Variants in SMPDL3B observed in about 807,000 individuals in gnomAD.
The protein encoded by SMPDL3B is acid sphingomyelinase-like phosphodiesterase 3b.
SMPDL3B carries 31 observed loss-of-function variants against 37.9 expected under a neutral mutation model. That is an observed-to-expected ratio of 0.82 (90% CI 0.61 to 1.10). The LOEUF (loss-of-function observed/expected upper bound fraction) is 1.10, where lower values mean the gene tolerates loss of function less well. SMPDL3B is among the 50% of genes least tolerant of loss of function. SMPDL3B has a pLI of 0.00. For missense variants in SMPDL3B, 525 were observed against 597.8 expected (o/e 0.88, Z 1.27); for synonymous variants, 235 against 242.6 (o/e 0.97, Z 0.29).
At chr1:27,948,161 A>C (rs2090426419) in intron 2 of SMPDL3B, among the ~76,000 whole-genome samples, 1 of 152,034 alleles carries the variant, frequency 6.6e-6, no homozygotes, top group Admixed American at 6.6e-5. Flanking sequence ...CTGGTGCTTG[A>C]TTTAGGATAG....
rs558568037 is a variant in SMPDL3B at position 27,946,338 on chromosome 1, A to T, written c.275+893A>T. Among the ~76,000 whole-genome samples the T allele has an allele frequency of 2.0e-5, 3 of 151,864 alleles. No individual in the cohort carries two copies. The South Asian group carries it at 6.3e-4, about 32-fold the overall frequency. ...ACTACACTCCCAGCCTGAGTGACACAGCAAGACTCTGTCTCAAAAAAAAAA... is the reference window on the plus strand; with the variant it reads ...ACTACACTCCCAGCCTGAGTGACACTGCAAGACTCTGTCTCAAAAAAAAAA... On this transcript the variant is annotated intron_variant, in intron 2 of 7. Transcript: ENST00000373894.
chr1:27,947,185 C>T (rs1475002318), intron 2 of SMPDL3B, among the ~76,000 whole-genome samples: 7 of 151,862 alleles, frequency 4.6e-5, no homozygotes, highest in Admixed American at 2.6e-4. Flanking sequence ...TACAGGCATG[C>T]GCCACCACGC....
chr1:27,956,560 T>C (rs1323970854), intron 7 of SMPDL3B: 12 of 953,690 alleles, frequency 1.3e-5, no homozygotes, highest in Non-Finnish European at 1.5e-5. Context: ...CCCTAATTCT[T>C]TGGGCAGTCC....
Position 27,958,433 on chromosome 1 carries a change from A to G in SMPDL3B, c.1006-43A>G, listed in dbSNP as rs1278977538. The G allele has an allele frequency of 6.4e-7, 1 of 1,556,458 alleles. No individual in the cohort carries two copies. Among genetic ancestry groups the G allele is most frequent in the African/African-American group, 1.4e-5 (1 of 73,752 alleles). On this transcript the variant is annotated intron_variant, in intron 7 of 7. Transcript: ENST00000373894. The surrounding 1 kb of genome is among the most constrained non-coding windows in gnomAD (Gnocchi z 5.6). ...CAAGGTGCAGGATGGGGATGGAAGC[A>G]GACAACTGCTCACAGCCGGTCTACC... is the stretch of plus-strand genomic sequence containing the variant.
rs951556811 is a variant in SMPDL3B, at chr1:27,948,156, G to A, written c.276-909G>A. On this transcript the variant is annotated intron_variant, in intron 2 of 7. Transcript: ENST00000373894. The stretch of plus-strand genomic sequence containing the variant: ...ACAATTTTTCCCCCGTGTCTCTGGT[G>A]CTTGATTTAGGATAGGCAAAATTCT... Among the ~76,000 whole-genome samples the A allele has an allele frequency of 6.6e-5, 10 of 152,080 alleles. No individual in the cohort carries two copies. The East Asian group carries it at 9.6e-4, about 15-fold the overall frequency.
chr1:27,957,951 G>A (rs565641230), intron 7 of SMPDL3B, among the ~76,000 whole-genome samples: 5 of 152,278 alleles, frequency 3.3e-5, no homozygotes, highest in Non-Finnish European at 7.3e-5. Context: ...CTCTTACCCC[G>A]TCTGCAGTGG....
rs756141288 is a variant in SMPDL3B, at chr1:27,955,864, G to C, written c.871G>C (p.Gly291Arg). ...CTTTCGGATGCTCTATGATGATGCA[G>C]GTATTCAACCTGGAGGGCAACTGCC... ...DSFRMLYDDAGVPISAMFITP... is the reference protein window; with the variant it reads ...DSFRMLYDDARVPISAMFITP... The change falls in exon 6 of 8, where the codon GGT becomes CGT. Residue 291 changes from glycine (G) to arginine (R), a missense_variant and splice_region_variant. Physicochemically the swap from Gly to Arg is moderately radical, Grantham distance 125. Transcript: ENST00000373894. 3.8e-5 allele frequency: 61 copies of C among 1,612,898 alleles called. 2 individuals carry two copies. The Middle Eastern group carries it at 2.5e-3, about 65-fold the overall frequency.
Position 27,955,743 on chromosome 1 carries a change from G to T in SMPDL3B, c.750G>T (p.Trp250Cys), listed in dbSNP as rs2090494656. The T allele has an allele frequency of 6.2e-7, 1 of 1,614,024 alleles. No homozygotes were observed. The change falls in exon 6 of 8, where the codon TGG becomes TGT. Residue 250 changes from tryptophan (W) to cysteine (C), a missense_variant. Trp to Cys is a radical substitution (Grantham distance 215, BLOSUM62 -2). Coordinates refer to ENST00000373894, the MANE Select transcript of SMPDL3B (RefSeq NM_014474.4). ...GFFEKTQNKA[W>C]FREGFNEKYL... ...TTGAGAAGACGCAAAACAAGGCATG[G>T]TTCCGGGAGGGCTTCAATGAAAAAT...
intron 1 of SMPDL3B, chr1:27,942,285 A>C: frequency 2.1e-6 from 1 of 468,382 alleles, no homozygotes; most frequent in South Asian, 1.6e-5. Context: ...AGGAAGCGCA[A>C]GGACCATGTG....
Position 27,958,669 on chromosome 1 carries a change from A to C in SMPDL3B, c.1199A>C (p.Tyr400Ser). 6.2e-7 allele frequency: 1 copy of C among 1,613,958 alleles called. No homozygotes were observed. Among genetic ancestry groups the C allele is most frequent in the Non-Finnish European group, 8.5e-7 (1 of 1,180,012 alleles). ...TACTACGTCTATAACTCAGTCAGCTACTCTGCTGGGGTCTGCGACGAGGCC... is the reference window on the plus strand; with the variant it reads ...TACTACGTCTATAACTCAGTCAGCTCCTCTGCTGGGGTCTGCGACGAGGCC... ...QRYYVYNSVS[Y>S]SAGVCDEACS... Residue 400 changes from tyrosine to serine, a missense_variant, in exon 8 of 8, where the codon TAC (tyrosine) becomes TCC (serine). Coordinates refer to ENST00000373894, the MANE Select transcript of SMPDL3B (RefSeq NM_014474.4). The surrounding 1 kb of genome is among the most constrained non-coding windows in gnomAD (Gnocchi z 5.6).
chr1:27,947,038 ATT>A (rs35543061), intron 2 of SMPDL3B, among the ~76,000 whole-genome samples: 17 of 142,080 alleles, frequency 1.2e-4, no homozygotes, highest in African/African-American at 2.8e-4. Context: ...ACAGATGCAC[ATT>A]TTTTTTTTTT....
At position 27,949,063 on chromosome 1, in the gene SMPDL3B, A is replaced by G. The variant is rs367979184; in HGVS notation, c.276-2A>G. On this transcript the variant is annotated splice_acceptor_variant, in intron 2 of 7. Coordinates refer to ENST00000373894, the MANE Select transcript of SMPDL3B (RefSeq NM_014474.4). LOFTEE classifies it high-confidence loss of function. ...CCAAATTGGCTTGGTGGTGTTTTGT[A>G]GTGATGACACGCCTCATGTGCCCGA... 48 of 1,614,050 alleles carry G rather than the reference A, an allele frequency of 3.0e-5. No individual in the cohort carries two copies. Among genetic ancestry groups the G allele is most frequent in the Non-Finnish European group, 4.0e-5 (47 of 1,180,024 alleles).
In SMPDL3B at chr1:27,956,036, C is replaced by T. The variant is rs1638258925; in HGVS notation, c.959C>T (p.Pro320Leu). 7.4e-6 allele frequency: 12 copies of T among 1,614,146 alleles called. No individual in the cohort carries two copies. Among genetic ancestry groups the T allele is most frequent in the African/African-American group, 5.3e-5 (4 of 75,032 alleles). Residue 320 changes from proline to leucine, a missense_variant, in exon 7 of 8, where the codon CCA becomes CTA. By Grantham distance (98) the Pro-to-Leu change is moderately conservative. Transcript: ENST00000373894. Reference protein sequence around the residue: ...LPGVVNGANNPAIRVFEYDRA... With the variant: ...LPGVVNGANNLAIRVFEYDRA... ...GGAGTGGTCAATGGGGCCAACAATC[C>T]AGCCATCCGGGTGTTCGAATATGAC...
chr1:27,935,647 GA>G (rs777737235), intron 1 of SMPDL3B, among the ~76,000 whole-genome samples: 1 of 152,122 alleles, frequency 6.6e-6, no homozygotes, highest in African/African-American at 2.4e-5. Flanking sequence ...CATCTGGGGA[GA>G]AAAAAACAAA....
chr1:27,958,435 A>G lies in SMPDL3B; in HGVS notation c.1006-41A>G. 6.4e-7 allele frequency: 1 copy of G among 1,557,300 alleles called. No homozygotes were observed. Among genetic ancestry groups the G allele is most frequent in the Non-Finnish European group, 8.7e-7 (1 of 1,146,670 alleles). ...AGGTGCAGGATGGGGATGGAAGCAG[A>G]CAACTGCTCACAGCCGGTCTACCCC... On this transcript the variant is annotated intron_variant, in intron 7 of 7. Coordinates refer to ENST00000373894, the MANE Select transcript of SMPDL3B (RefSeq NM_014474.4). This position sits in a 1 kb window ranked among gnomAD's most constrained non-coding sequence, Gnocchi z 5.6.
chr1:27,958,833 C>CTG lies in SMPDL3B; in HGVS notation c.1366_1367dup (p.Ter456CysfsTer11), dbSNP rs753868559. On this transcript the variant is annotated frameshift_variant, in exon 8 of 8. Transcript: ENST00000373894. LOFTEE classifies it high-confidence loss of function. The surrounding 1 kb of genome is among the most constrained non-coding windows in gnomAD (Gnocchi z 5.6). ...CCTGCTGGGCCTGTGCACGCTCGTGCTGTGACCTGCCAGGCTCACCTTCTT... is the reference window on the plus strand; with the variant it reads ...CCTGCTGGGCCTGTGCACGCTCGTGCTGTGTGACCTGCCAGGCTCACCTTCTT... The CTG allele has an allele frequency of 6.3e-7, 1 of 1,581,066 alleles. No homozygotes were observed. The highest frequency in any genetic ancestry group is 8.6e-7 in the Non-Finnish European group (1 of 1,158,952).
chr1:27,958,922 TC>T lies in SMPDL3B; in HGVS notation c.*86del. On this transcript the variant is annotated 3_prime_UTR_variant, in exon 8 of 8. Coordinates refer to ENST00000373894, the MANE Select transcript of SMPDL3B (RefSeq NM_014474.4). This position sits in a 1 kb window ranked among gnomAD's most constrained non-coding sequence, Gnocchi z 5.6. ...CAGAGCTGGGCCTTCCACCATTTCCTCCGCGCCTGAGGAGTGAACTGAAATA... is the reference window on the plus strand; with the variant it reads ...CAGAGCTGGGCCTTCCACCATTTCCTCGCGCCTGAGGAGTGAACTGAAATA... The T allele has an allele frequency of 7.0e-7, 1 of 1,422,876 alleles. No individual in the cohort carries two copies. The highest frequency in any genetic ancestry group is 9.3e-7 in the Non-Finnish European group (1 of 1,077,434). The allele number at this position is 1,422,876 out of a possible 1,614,324, so 88.1% of individuals were successfully genotyped here. A position where few individuals can be genotyped will look rare whatever the true frequency, so the allele number is the denominator to read the frequency against.
At chr1:27,936,355 A>G (rs2090307926) in intron 1 of SMPDL3B, among the ~76,000 whole-genome samples, 1 of 152,008 alleles carries the variant, frequency 6.6e-6, no homozygotes, top group Non-Finnish European at 1.5e-5. Context: ...TGGGAGACTC[A>G]GCTGGGAGAA....
In SMPDL3B at chr1:27,935,163, C is replaced by CTG. The variant is rs555333040; in HGVS notation, c.-20_-19dup. 3.5e-4 allele frequency: 565 copies of CTG among 1,609,302 alleles called. 3 individuals are homozygous for CTG. In the African/African-American group the frequency reaches 6.7e-3, roughly 19 times the overall value. On this transcript the variant is annotated 5_prime_UTR_variant, in exon 1 of 8. Coordinates refer to ENST00000373894, the MANE Select transcript of SMPDL3B (RefSeq NM_014474.4). ...AACAGTGCCTGAGAATCCCACGGCT[C>CTG]TGGGGAAGTGAGCCCCGAGGATGAG... is the stretch of plus-strand genomic sequence containing the variant.
Sources: allele counts gnomAD v4.1 joint callset (sites outside exome capture counted in the v4.1 genomes callset), GRCh38; gene constraint gnomAD v4.1.1; non-coding constraint Gnocchi (gnomAD v3.1); transcripts MANE v1.5; gene names NCBI Gene and HGNC (gene_info 2026-07-23, HGNC 2026-07-21).